Variants in CFAP299 observed in about 807,000 individuals in gnomAD.
CFAP299 encodes cilia- and flagella-associated protein 299.
Under a neutral mutation model 27.0 loss-of-function variants are expected in CFAP299, and 21 were observed. The observed-to-expected ratio is 0.78, with a 90% CI of 0.55 to 1.12. The LOEUF (loss-of-function observed/expected upper bound fraction) is 1.12, where lower values mean the gene tolerates loss of function less well. CFAP299 is among the 50% of genes most tolerant of loss of function. The pLI is 0.00. For missense variants in CFAP299, 310 were observed against 276.6 expected, an observed-to-expected ratio of 1.12 and a Z score of -0.86; for synonymous variants, 104 against 98.1, an observed-to-expected ratio of 1.06 and a Z score of -0.36.
chr4:80,897,882 C>T (rs374234325), intron 4 of CFAP299, among the ~76,000 whole-genome samples: 18 of 152,196 alleles, frequency 1.2e-4, no homozygotes, highest in South Asian at 2.1e-4. Flanking sequence ...GACCTCTTCA[C>T]GGGCCTCACA....
intron 5 of CFAP299, among the ~76,000 whole-genome samples, chr4:80,946,174 T>C (rs534149916): frequency 2.0e-5 from 3 of 151,940 alleles, no homozygotes; most frequent in East Asian, 1.9e-4. Flanking sequence ...AAATAGATGA[T>C]TACCTGAAAT....
intron 2 of CFAP299, among the ~76,000 whole-genome samples, chr4:80,552,412 G>A (rs918111771): frequency 2.6e-5 from 4 of 152,234 alleles, no homozygotes; most frequent in African/African-American, 9.6e-5. Context: ...TAGAACAGAT[G>A]TAACTGTGCC....
chr4:80,709,787 G>T (rs879473321), intron 3 of CFAP299, among the ~76,000 whole-genome samples: 3 of 152,156 alleles, frequency 2.0e-5, no homozygotes, highest in Non-Finnish European at 4.4e-5. Context: ...AACATTGTGG[G>T]AGCACAAAGC....
intron 5 of CFAP299, among the ~76,000 whole-genome samples, chr4:80,960,371 G>A (rs935398960): frequency 2.6e-5 from 4 of 151,718 alleles, no homozygotes; most frequent in Admixed American, 1.3e-4. Flanking sequence ...CTGTTAAAAC[G>A]TCAATATGTT....
intron 2 of CFAP299, chr4:80,386,975 G>A (rs1477391357): frequency 4.1e-6 from 4 of 979,720 alleles, no homozygotes; most frequent in Non-Finnish European, 6.6e-6. Context: ...TGCACACCTG[G>A]CCCTTGAACC....
At chr4:80,671,336 T>C (rs924413512) in intron 3 of CFAP299, among the ~76,000 whole-genome samples, 4 of 152,188 alleles carry the variant, frequency 2.6e-5, no homozygotes, top group Admixed American at 1.3e-4. Flanking sequence ...TCTGTTGTGT[T>C]CCATTGGTCT....
intron 2 of CFAP299, among the ~76,000 whole-genome samples, chr4:80,414,057 G>A (rs1213616941): frequency 4.3e-5 from 6 of 138,842 alleles, no homozygotes; most frequent in African/African-American, 1.6e-4. Flanking sequence ...GAAACAAATG[G>A]GTATTTCTTT....
chr4:80,395,195 T>C (rs1352816872), intron 2 of CFAP299, among the ~76,000 whole-genome samples: 5 of 152,084 alleles, frequency 3.3e-5, no homozygotes, highest in Non-Finnish European at 7.4e-5. Context: ...GATCTTTCCT[T>C]AATTTCATTT....
chr4:80,343,613 C>A (rs1722573857), intron 1 of CFAP299, among the ~76,000 whole-genome samples: 1 of 151,734 alleles, frequency 6.6e-6, no homozygotes, highest in Non-Finnish European at 1.5e-5. Context: ...CAAGGTGAAA[C>A]CCCGTCTCTA....
At chr4:80,862,101 G>T (rs2131475) in intron 3 of CFAP299, among the ~76,000 whole-genome samples, 18,923 of 152,174 alleles carry the variant, frequency 0.12, 1,354 homozygotes, top group Middle Eastern at 0.25. Context: ...CAGGTGCAGT[G>T]GTTCATGCCT....
intron 3 of CFAP299, among the ~76,000 whole-genome samples, chr4:80,591,568 C>T (rs1433518344): frequency 3.3e-5 from 5 of 152,042 alleles, no homozygotes; most frequent in African/African-American, 4.8e-5. Context: ...GATGTCCTCA[C>T]TAATCCCTAA....
chr4:80,341,298 A>G (rs895425055), intron 1 of CFAP299, among the ~76,000 whole-genome samples: 2 of 152,132 alleles, frequency 1.3e-5, no homozygotes, highest in African/African-American at 4.8e-5. Flanking sequence ...TGGATGAGGA[A>G]GGATCCCCCA....
chr4:80,910,009 T>C (rs2110202607), intron 4 of CFAP299, among the ~76,000 whole-genome samples: 1 of 152,240 alleles, frequency 6.6e-6, no homozygotes, highest in East Asian at 1.9e-4. Flanking sequence ...GAAATTTATA[T>C]CTAAATTCAA....
At chr4:80,520,037 C>T (rs776462180) in intron 2 of CFAP299, among the ~76,000 whole-genome samples, 1 of 152,108 alleles carries the variant, frequency 6.6e-6, no homozygotes, top group African/African-American at 2.4e-5. Flanking sequence ...CCTTGCCTCC[C>T]CTATCTCCGT....
rs1250841970 is a variant in CFAP299 at position 80,634,471 on chromosome 4, A to C, written c.333+51288A>C. 1.0e-4 allele frequency among the ~76,000 whole-genome samples: 4 copies of C among 38,198 alleles called. No homozygotes were observed. The Admixed American group carries it at 1.3e-3, about 13-fold the overall frequency. 25.1% of individuals were successfully genotyped at this position (38,198 alleles called of 152,430 possible). A position where few individuals can be genotyped will look rare whatever the true frequency, so the allele number is the denominator to read the frequency against. On this transcript the variant is annotated intron_variant, in intron 3 of 5. Transcript: ENST00000358105. ...TCAGAGTGTCATTTCATCATATGTC[A>C]TTTCATTATATATATATATCTGTAT...
intron 3 of CFAP299, among the ~76,000 whole-genome samples, chr4:80,768,949 GCTGT>G (rs1316468061): frequency 6.6e-6 from 1 of 152,200 alleles, no homozygotes; most frequent in African/African-American, 2.4e-5. Flanking sequence ...ACTGACTGAT[GCTGT>G]CTGAGATGAT....
Position 80,486,836 on chromosome 4 carries a change from C to A in CFAP299, c.243-96257C>A, listed in dbSNP as rs2969278. On this transcript the variant is annotated intron_variant, in intron 2 of 5. Transcript: ENST00000358105. ...TTCACAGATCCGTTAAAAAGCCCAC[C>A]TGCATTTAGTCTAGTGGCCAGCATT... Among the ~76,000 whole-genome samples the A allele has an allele frequency of 1.4e-3, 214 of 152,338 alleles. 4 individuals are homozygous for A. Among genetic ancestry groups the A allele is most frequent in the Admixed American group, 0.01 (156 of 15,294 alleles).
intron 4 of CFAP299, chr4:80,872,093 C>T (rs1733128795): frequency 2.0e-5 from 3 of 151,904 alleles, no homozygotes; most frequent in South Asian, 2.1e-4. Flanking sequence ...CCAGTAAAAT[C>T]GTGCTGTTTA....
chr4:80,739,640 G>T (rs1724134819), intron 3 of CFAP299, among the ~76,000 whole-genome samples: 1 of 151,458 alleles, frequency 6.6e-6, no homozygotes, highest in Admixed American at 6.6e-5. Flanking sequence ...TTCAAAGTTT[G>T]ATTAAGTCCC....
Sources: gnomAD v4.1 joint callset for allele counts (sites outside exome capture counted in the v4.1 genomes callset) on GRCh38, gnomAD v4.1.1 for gene constraint, MANE v1.5 for transcripts, NCBI Gene and HGNC (gene_info 2026-07-23, HGNC 2026-07-21) for gene names.